COL16A1: variants seen among roughly 807,000 people sequenced by gnomAD.
COL16A1 encodes collagen alpha-1(XVI) chain.
A neutral mutation model predicts 266.3 loss-of-function variants in COL16A1; 189 were observed. The observed-to-expected ratio is 0.71, with a 90% CI of 0.63 to 0.80. The LOEUF is 0.80. Among genes scored for constraint, COL16A1 ranks in the 30% least tolerant of loss-of-function variants. The probability of loss-of-function intolerance (pLI) is 0.00; values close to 1 mark genes in which losing one functional copy is unlikely to be tolerated. For synonymous variants in COL16A1, 740 were observed against 782.3 expected, an observed-to-expected ratio of 0.95 and a Z score of 0.90; for missense variants, 1,928 against 2,122.4, an observed-to-expected ratio of 0.91 and a Z score of 1.80.
intron 9 of COL16A1, 30 bp from the exon 10 acceptor site, chr1:31,695,817 G>A (rs780571541): frequency 5.9e-5 from 95 of 1,605,590 alleles, no homozygotes; most frequent in Non-Finnish European, 7.9e-5. Flanking sequence ...TGTGGGAATG[G>A]GCAGGGAGCT....
At position 31,698,593 on chromosome 1, in the gene COL16A1, G is replaced by T. The variant is rs200748512; in HGVS notation, c.280C>A (p.Arg94=). 2.5e-6 allele frequency: 4 copies of T among 1,613,928 alleles called. No homozygotes were observed. The highest frequency in any genetic ancestry group is 3.4e-6 in the Non-Finnish European group (4 of 1,180,018). Residue 94 remains arginine (R), a synonymous_variant, in exon 5 of 71, where the codon CGG becomes AGG. Coordinates refer to ENST00000373672, the MANE Select transcript of COL16A1 (RefSeq NM_001856.4). The surrounding 1 kb of genome is among the most constrained non-coding windows in gnomAD (Gnocchi z 4.1). ...VTQPTRRVFP[R]GLPEEFALVL... is the part of the protein sequence containing the mutation. Reference sequence around the variant, plus strand: ...AGGGCAAACTCCTCCGGGAGACCCCGAGGGAATACTCTTCTGGAGATGGAG... The same window carrying T: ...AGGGCAAACTCCTCCGGGAGACCCCTAGGGAATACTCTTCTGGAGATGGAG...
At chr1:31,653,767 AC>A in intron 69 of COL16A1, 91 bp from the exon 70 acceptor site, 1 of 1,574,218 alleles carries the variant, frequency 6.4e-7, no homozygotes, top group African/African-American at 1.4e-5. Context: ...ACACACACAC[AC>A]ACACACATAC....
At chr1:31,679,515 A>G (rs1215482741) in intron 42 of COL16A1, 117 bp downstream of exon 42, 31 of 1,613,864 alleles carry the variant, frequency 1.9e-5, no homozygotes, top group Non-Finnish European at 2.6e-5. Flanking sequence ...GGAGTGAGAA[A>G]TGGCATGTCT....
Position 31,688,587 on chromosome 1 carries a change from C to T in COL16A1, c.1768-85G>A. ...CCGGGTCCCAGTGTCCAACCAGAAA[C>T]AGAACGGTAAGATAGGAATTATGTC... On this transcript the variant is annotated intron_variant, in intron 25 of 70. Transcript: ENST00000373672. This position sits in a 1 kb window ranked among gnomAD's most constrained non-coding sequence, Gnocchi z 4.9. 1.3e-6 allele frequency: 2 copies of T among 1,549,854 alleles called. No individual in the cohort carries two copies. Among genetic ancestry groups the T allele is most frequent in the Admixed American group, 1.7e-5 (1 of 59,882 alleles).
At chr1:31,700,390 G>A (rs1206419716) in intron 2 of COL16A1, among the ~76,000 whole-genome samples, 1 of 152,194 alleles carries the variant, frequency 6.6e-6, no homozygotes. Context: ...AGAACTCCAG[G>A]AACCCAAATC....
At position 31,664,635 on chromosome 1, in the gene COL16A1, C is replaced by T. The variant is rs942040900; in HGVS notation, c.3555+537G>A. On this transcript the variant is annotated intron_variant, in intron 56 of 70. Coordinates refer to ENST00000373672, the MANE Select transcript of COL16A1 (RefSeq NM_001856.4). This position sits in a 1 kb window ranked among gnomAD's most constrained non-coding sequence, Gnocchi z 5.5. ...TCAAGAGCAGCCAGCATAGGAGCTC[C>T]GCCAACTGCTGCTCCCCCAACCCTT... Among the ~76,000 whole-genome samples, 2 of 152,166 alleles carry T rather than the reference C, an allele frequency of 1.3e-5. No homozygotes were observed. Among genetic ancestry groups the T allele is most frequent in the Non-Finnish European group, 2.9e-5 (2 of 68,022 alleles).
At chr1:31,665,732 C>A in intron 54 of COL16A1, 114 bp from the exon 55 acceptor site, 2 of 1,591,402 alleles carry the variant, frequency 1.3e-6, no homozygotes, top group South Asian at 1.1e-5. Flanking sequence ...TTTGCCCTCC[C>A]CTCTGCCCAC....
chr1:31,691,725 C>T lies in COL16A1; in HGVS notation c.1258-83G>A. On this transcript the variant is annotated intron_variant, in intron 17 of 70. Transcript: ENST00000373672. Reference sequence around the variant, plus strand: ...CTGGGAGAGGTGAATGCCCACCTGTCCCACCCTCCCTGCCCCTCCCCCAAA... The same window carrying T: ...CTGGGAGAGGTGAATGCCCACCTGTTCCACCCTCCCTGCCCCTCCCCCAAA... 17 of 1,500,908 alleles carry T rather than the reference C, an allele frequency of 1.1e-5. No individual in the cohort carries two copies. In the South Asian group the frequency reaches 1.5e-4, roughly 14 times the overall value. 93.0% of individuals were successfully genotyped at this position (1,500,908 alleles called of 1,614,324 possible).
chr1:31,666,027 C>T lies in COL16A1; in HGVS notation c.3402+10G>A, dbSNP rs2148684748. On this transcript the variant is annotated intron_variant, in intron 53 of 70. Coordinates refer to ENST00000373672, the MANE Select transcript of COL16A1 (RefSeq NM_001856.4). ...CAGGACCACATCTCCCCATGCCCTC[C>T]TTCACTCACCGCTGGGCCTGGGGGG... is the stretch of plus-strand genomic sequence containing the variant. 6.2e-7 allele frequency: 1 copy of T among 1,614,112 alleles called. No homozygotes were observed. Among genetic ancestry groups the T allele is most frequent in the Non-Finnish European group, 8.5e-7 (1 of 1,179,992 alleles).
At chr1:31,692,933 A>G in intron 13 of COL16A1, 125 bp from the exon 14 acceptor site, 1 of 1,044,078 alleles carries the variant, frequency 9.6e-7, no homozygotes, top group Admixed American at 2.0e-5. Flanking sequence ...GGGCTTCTAC[A>G]CCCAAACCCC....
In COL16A1 at chr1:31,701,821, G is replaced by A. The variant is rs547296666; in HGVS notation, c.73+300C>T. 1.9e-4 allele frequency among the ~76,000 whole-genome samples: 29 copies of A among 152,252 alleles called. No homozygotes were observed. In the East Asian group the frequency reaches 5.2e-3, roughly 27 times the overall value. ...ATTGGCTTACGTATTGGGGTGGGAG[G>A]TTGTTCTCTTACACACAGAGACACA... On this transcript the variant is annotated intron_variant, in intron 2 of 70. Transcript: ENST00000373672.
At chr1:31,689,585 C>A (rs964816856) in intron 23 of COL16A1, 156 bp downstream of exon 23, 22 of 662,458 alleles carry the variant, frequency 3.3e-5, no homozygotes, top group African/African-American at 2.2e-4. Context: ...ATGGTTCAGA[C>A]CCCTTACCAC....
chr1:31,653,720 A>G (rs749202208), intron 69 of COL16A1, 44 bp from the exon 70 acceptor site: 24 of 1,598,210 alleles, frequency 1.5e-5, no homozygotes, highest in Non-Finnish European at 2.0e-5. Flanking sequence ...GAGCAGAAAA[A>G]TGACACAGCC....
chr1:31,679,871 G>A lies in COL16A1; in HGVS notation c.2671-20C>T, dbSNP rs577301758. 2.5e-5 allele frequency: 37 copies of A among 1,501,694 alleles called. No homozygotes were observed. The highest frequency in any genetic ancestry group is 1.1e-4 in the African/African-American group (8 of 71,478). The allele number at this position is 1,501,694 out of a possible 1,614,324, so 93.0% of individuals were successfully genotyped here. ...AGCACCCTGGGTGGGAGTGGGGGTC[G>A]CAAAAGAAGGGGAGAGGTTATAGGC... is the stretch of plus-strand genomic sequence containing the variant. On this transcript the variant is annotated intron_variant, in intron 40 of 70. Coordinates refer to ENST00000373672, the MANE Select transcript of COL16A1 (RefSeq NM_001856.4).
chr1:31,691,956 T>G (rs1487167070), intron 17 of COL16A1, 49 bp downstream of exon 17: 1 of 1,612,594 alleles, frequency 6.2e-7, no homozygotes, highest in South Asian at 1.1e-5. Flanking sequence ...CCCAGCATTC[T>G]CAGACCCCGT....
Position 31,685,773 on chromosome 1 carries a change from G to A in COL16A1, c.1885-3C>T. 6.2e-7 allele frequency: 1 copy of A among 1,613,672 alleles called. No individual in the cohort carries two copies. The highest frequency in any genetic ancestry group is 1.1e-5 in the South Asian group (1 of 91,072). Reference sequence around the variant, plus strand: ...GGGCACGGCTCACAGGGCTCCCCCTGCCAAGCAAGGACATTGAGTTAGGGG... The same window carrying A: ...GGGCACGGCTCACAGGGCTCCCCCTACCAAGCAAGGACATTGAGTTAGGGG... On this transcript the variant is annotated splice_region_variant and splice_polypyrimidine_tract_variant and intron_variant, in intron 28 of 70. Transcript: ENST00000373672. The surrounding 1 kb of genome is among the most constrained non-coding windows in gnomAD (Gnocchi z 4.0).
At position 31,655,381 on chromosome 1, in the gene COL16A1, T is replaced by C. The variant is rs372291805; in HGVS notation, c.4223A>G (p.Glu1408Gly). 7 of 1,613,724 alleles carry C rather than the reference T, an allele frequency of 4.3e-6. No individual in the cohort carries two copies. In the African/African-American group the frequency reaches 9.4e-5, roughly 22 times the overall value. The change falls in exon 67 of 71, where the codon GAG becomes GGG. Residue 1408 changes from glutamate (E) to glycine (G), a missense_variant. Physicochemically the swap from Glu to Gly is moderately conservative, Grantham distance 98 (BLOSUM62 -2). Coordinates refer to ENST00000373672, the MANE Select transcript of COL16A1 (RefSeq NM_001856.4). ...GPVGPPGPAG[E>G]RGHPGAPGPS... ...CCCCGGAGCTCCAGGGTGGCCTCTCTCTCCTGCAGGGCCCGGTGGCCCAAC... is the reference window on the plus strand; with the variant it reads ...CCCCGGAGCTCCAGGGTGGCCTCTCCCTCCTGCAGGGCCCGGTGGCCCAAC...
At position 31,652,898 on chromosome 1, in the gene COL16A1, C is replaced by T; in HGVS notation, c.4613-45G>A. ...AGAGGGAAAATCAGAAGACCCAGAT[C>T]ATAAGGGAAAAGAAGCCATAATGGC... On this transcript the variant is annotated intron_variant, in intron 70 of 70. Coordinates refer to ENST00000373672, the MANE Select transcript of COL16A1 (RefSeq NM_001856.4). This position sits in a 1 kb window ranked among gnomAD's most constrained non-coding sequence, Gnocchi z 4.8. 1.4e-6 allele frequency: 2 copies of T among 1,425,840 alleles called. No homozygotes were observed. The highest frequency in any genetic ancestry group is 1.8e-6 in the Non-Finnish European group (2 of 1,086,080). 88.3% of individuals were successfully genotyped at this position (1,425,840 alleles called of 1,614,324 possible). A position where few individuals can be genotyped will look rare whatever the true frequency, so the allele number is the denominator to read the frequency against.
At chr1:31,693,460 C>A (rs1317684171) in intron 12 of COL16A1, among the ~76,000 whole-genome samples, 1 of 152,208 alleles carries the variant, frequency 6.6e-6, no homozygotes, top group Non-Finnish European at 1.5e-5. Context: ...CACAGCACAG[C>A]CGGAGGCATA....
Sources: gnomAD v4.1 joint callset for allele counts (sites outside exome capture counted in the v4.1 genomes callset) on GRCh38, gnomAD v4.1.1 for gene constraint, Gnocchi (gnomAD v3.1) non-coding constraint, MANE v1.5 for transcripts, NCBI Gene and HGNC (gene_info 2026-07-23, HGNC 2026-07-21) for gene names.